DLGAP1: variants seen among roughly 807,000 people sequenced by gnomAD.
The protein encoded by DLGAP1 is disks large-associated protein 1.
DLGAP1 carries 11 observed loss-of-function variants against 90.8 expected under a neutral mutation model. That is an observed-to-expected ratio of 0.12 (90% CI 0.08 to 0.20). DLGAP1 has a LOEUF of 0.20. Ranked by LOEUF, DLGAP1 falls within the 10% of genes least tolerant of loss-of-function variation. The pLI is 1.00. For missense variants in DLGAP1, 1,050 were observed against 1,333.8 expected, an observed-to-expected ratio of 0.79 and a Z score of 3.31; for synonymous variants, 558 against 540.7, an observed-to-expected ratio of 1.03 and a Z score of -0.44.
intron 2 of DLGAP1, among the ~76,000 whole-genome samples, chr18:4,134,100 T>C (rs144372379): frequency 8.3e-4 from 127 of 152,280 alleles, no homozygotes; most frequent in African/African-American, 2.9e-3. Flanking sequence ...ATTCAAAAGA[T>C]AGAAATTTCT....
In DLGAP1 at chr18:3,796,326, G is replaced by A. The variant is rs566478703; in HGVS notation, c.1172+17733C>T. Reference sequence around the variant, plus strand: ...ATGGAAAACATTCTGGTTGTGGAGTGTGAAGTCCTGGGCTTTTGGTTCTGC... The same window carrying A: ...ATGGAAAACATTCTGGTTGTGGAGTATGAAGTCCTGGGCTTTTGGTTCTGC... On this transcript the variant is annotated intron_variant, in intron 5 of 12. Transcript: ENST00000315677. Among the ~76,000 whole-genome samples, 18 of 100,224 alleles carry A rather than the reference G, an allele frequency of 1.8e-4. No homozygotes were observed. The East Asian group carries it at 3.7e-3, about 21-fold the overall frequency. 65.8% of individuals were successfully genotyped at this position (100,224 alleles called of 152,430 possible).
At chr18:3,573,064 T>A (rs950620562) in intron 8 of DLGAP1, among the ~76,000 whole-genome samples, 5 of 152,204 alleles carry the variant, frequency 3.3e-5, no homozygotes, top group Non-Finnish European at 5.9e-5. Flanking sequence ...ATATTATTTT[T>A]AAAAATATAT....
intron 1 of DLGAP1, among the ~76,000 whole-genome samples, chr18:4,312,596 A>C (rs2080428056): frequency 6.6e-6 from 1 of 152,252 alleles, no homozygotes; most frequent in Non-Finnish European, 1.5e-5. Context: ...TCCCACCGCA[A>C]GATGAGGGGC....
intron 2 of DLGAP1, among the ~76,000 whole-genome samples, chr18:4,075,649 G>C (rs1450686020): frequency 6.6e-6 from 1 of 152,216 alleles, no homozygotes. Flanking sequence ...GGTTTTGTCT[G>C]GCATTATTAG....
At chr18:3,523,415 G>A (rs1270240870) in intron 10 of DLGAP1, among the ~76,000 whole-genome samples, 2 of 151,268 alleles carry the variant, frequency 1.3e-5, no homozygotes, top group African/African-American at 4.9e-5. Flanking sequence ...AAATAAAAAG[G>A]CATCCTACAA....
chr18:4,452,015 G>A (rs77674609), intron 1 of DLGAP1, among the ~76,000 whole-genome samples: 3 of 152,172 alleles, frequency 2.0e-5, no homozygotes, highest in South Asian at 2.1e-4. Context: ...AATGGAAAAA[G>A]AGAAAATAAA....
Position 4,176,683 on chromosome 18 carries a change from T to C in DLGAP1, c.-266-25396A>G, listed in dbSNP as rs140323989. Among the ~76,000 whole-genome samples, 31 of 152,322 alleles carry C rather than the reference T, an allele frequency of 2.0e-4. 1 individual carries two copies. The East Asian group carries it at 4.8e-3, about 24-fold the overall frequency. On this transcript the variant is annotated intron_variant, in intron 1 of 12. Coordinates refer to ENST00000315677, the MANE Select transcript of DLGAP1 (RefSeq NM_004746.4). ...TACTATTACTAATGCATAGCACTGG[T>C]CAAGCTCTTGGTCATTTATGTCAAC...
Position 4,118,498 on chromosome 18 carries a change from C to T in DLGAP1, c.-159+32682G>A, listed in dbSNP as rs558943861. Among the ~76,000 whole-genome samples the T allele has an allele frequency of 3.9e-5, 6 of 152,302 alleles. No homozygotes were observed. The South Asian group carries it at 1.0e-3, about 26-fold the overall frequency. On this transcript the variant is annotated intron_variant, in intron 2 of 12. Coordinates refer to ENST00000315677, the MANE Select transcript of DLGAP1 (RefSeq NM_004746.4). Reference sequence around the variant, plus strand: ...CCTAGCTATGCCTGGGGAAAAGCTTCAGTCCTACGAATAGAAGTTAGGTGG... The same window carrying T: ...CCTAGCTATGCCTGGGGAAAAGCTTTAGTCCTACGAATAGAAGTTAGGTGG...
intron 3 of DLGAP1, among the ~76,000 whole-genome samples, chr18:3,952,568 G>A (rs922405492): frequency 6.6e-6 from 1 of 152,216 alleles, no homozygotes; most frequent in African/African-American, 2.4e-5. Context: ...TTAGCCTAGT[G>A]TTGCTATTGA....
chr18:3,805,155 G>T (rs1464725378), intron 5 of DLGAP1, among the ~76,000 whole-genome samples: 1 of 152,136 alleles, frequency 6.6e-6, no homozygotes, highest in Non-Finnish European at 1.5e-5. Context: ...TGTGTGCCAG[G>T]GACTGTGCTA....
At chr18:4,248,193 A>G (rs1482140695) in intron 1 of DLGAP1, among the ~76,000 whole-genome samples, 1 of 152,160 alleles carries the variant, frequency 6.6e-6, no homozygotes, top group Non-Finnish European at 1.5e-5. Flanking sequence ...CAACTGCATT[A>G]ATTAGCTTAG....
At chr18:4,068,467 A>C (rs2075401890) in intron 2 of DLGAP1, among the ~76,000 whole-genome samples, 1 of 151,914 alleles carries the variant, frequency 6.6e-6, no homozygotes, top group Admixed American at 6.6e-5. Flanking sequence ...CCATAACTTT[A>C]GTCTTCTGAT....
intron 7 of DLGAP1, chr18:3,604,504 G>C (rs1198499759): frequency 6.6e-6 from 1 of 151,980 alleles, no homozygotes; most frequent in Non-Finnish European, 1.5e-5. Flanking sequence ...TTTCTCAAGT[G>C]GTGATACCTT....
intron 2 of DLGAP1, among the ~76,000 whole-genome samples, chr18:4,115,547 G>A (rs1053645600): frequency 6.7e-6 from 1 of 148,466 alleles, no homozygotes; most frequent in Non-Finnish European, 1.5e-5. Flanking sequence ...GTGCAGTGGC[G>A]AGATCTCGGC....
At chr18:3,859,534 A>G (rs776755436) in intron 4 of DLGAP1, among the ~76,000 whole-genome samples, 1 of 152,174 alleles carries the variant, frequency 6.6e-6, no homozygotes, top group Non-Finnish European at 1.5e-5. Flanking sequence ...TGCATTATCA[A>G]GTGGGCCCAA....
intron 1 of DLGAP1, among the ~76,000 whole-genome samples, chr18:4,153,531 T>C (rs1446825909): frequency 2.6e-5 from 4 of 152,206 alleles, no homozygotes; most frequent in East Asian, 1.9e-4. Context: ...TTTCTTCCTG[T>C]TCTTTTTTTT....
intron 4 of DLGAP1, among the ~76,000 whole-genome samples, chr18:3,825,306 A>G (rs977517454): frequency 2.6e-5 from 4 of 152,218 alleles, no homozygotes; most frequent in African/African-American, 9.7e-5. Context: ...TCACTTGTTC[A>G]ACACATATTT....
intron 1 of DLGAP1, among the ~76,000 whole-genome samples, chr18:4,223,613 T>C (rs1338257137): frequency 6.6e-6 from 1 of 152,200 alleles, no homozygotes; most frequent in Non-Finnish European, 1.5e-5. Flanking sequence ...ATCTCAAGAT[T>C]ATGTAACAAC....
At position 3,497,755 on chromosome 18, in the gene DLGAP1, C is replaced by G. The variant is rs1169320357; in HGVS notation, c.*1430G>C. The G allele has an allele frequency of 1.3e-5, 2 of 152,216 alleles. No homozygotes were observed. The highest frequency in any genetic ancestry group is 1.3e-4 in the Admixed American group (2 of 15,284). The allele number at this position is 152,216 out of a possible 1,614,324, so 9.4% of individuals were successfully genotyped here. A position where few individuals can be genotyped will look rare whatever the true frequency, so the allele number is the denominator to read the frequency against. On this transcript the variant is annotated 3_prime_UTR_variant, in exon 13 of 13. Transcript: ENST00000315677. The stretch of plus-strand genomic sequence containing the variant: ...ATTTAAAGACAACTTCAGCTAGACA[C>G]CGATGCATACTGCCCATCAATCAAG...
Sources: allele counts gnomAD v4.1 joint callset (sites outside exome capture counted in the v4.1 genomes callset), GRCh38; gene constraint gnomAD v4.1.1; transcripts MANE v1.5; gene names NCBI Gene and HGNC (gene_info 2026-07-23, HGNC 2026-07-21).